Variants in ABHD18 observed in about 807,000 individuals in gnomAD.
ABHD18 encodes the protein abhydrolase domain containing 18.
ABHD18 carries 55 observed loss-of-function variants against 65.9 expected under a neutral mutation model. The ratio of observed to expected loss-of-function variants is 0.84; its 90% CI spans 0.67 to 1.05. The LOEUF (loss-of-function observed/expected upper bound fraction) is 1.05. ABHD18 is among the 50% of genes least tolerant of loss of function. ABHD18 has a pLI of 0.00. For synonymous variants in ABHD18, 181 were observed against 180.2 expected, an observed-to-expected ratio of 1.00 and a Z score of -0.04; for missense variants, 533 against 558.5, an observed-to-expected ratio of 0.95 and a Z score of 0.46.
chr4:128,020,184 A>G lies in ABHD18; in HGVS notation c.699+15A>G. 1 of 1,591,140 alleles carries G rather than the reference A, an allele frequency of 6.3e-7. No individual in the cohort carries two copies. Among genetic ancestry groups the G allele is most frequent in the Non-Finnish European group, 8.6e-7 (1 of 1,161,302 alleles). ...TCTTCACTACGGTAATTTAATTGTA[A>G]TTAATATTAGGTAGCTATATATAAT... On this transcript the variant is annotated intron_variant, in intron 9 of 12. Transcript: ENST00000645843.
chr4:128,012,237 A>G (rs1280291511), intron 7 of ABHD18, among the ~76,000 whole-genome samples: 2 of 152,206 alleles, frequency 1.3e-5, no homozygotes, highest in Non-Finnish European at 2.9e-5. Context: ...TTGGCCTCCC[A>G]AAGTGCTGGG....
intron 7 of ABHD18, among the ~76,000 whole-genome samples, chr4:128,012,404 T>A (rs1324083910): frequency 6.6e-6 from 1 of 152,220 alleles, no homozygotes; most frequent in Non-Finnish European, 1.5e-5. Flanking sequence ...CTCCAAGGCA[T>A]TTCCATAATC....
chr4:128,028,969 G>A, intron 11 of ABHD18, 116 bp downstream of exon 11: 4 of 795,222 alleles, frequency 5.0e-6, no homozygotes, highest in Non-Finnish European at 5.6e-6. Flanking sequence ...TTTTTTGTTG[G>A]CTCCAGAATA....
intron 3 of ABHD18, among the ~76,000 whole-genome samples, chr4:127,984,826 T>C (rs1234559006): frequency 1.3e-5 from 2 of 152,174 alleles, no homozygotes; most frequent in African/African-American, 2.4e-5. Context: ...CGCCTTTGCA[T>C]TCCAGCCTAG....
At chr4:127,994,734 A>T (rs1413935753) in intron 4 of ABHD18, among the ~76,000 whole-genome samples, 1 of 152,180 alleles carries the variant, frequency 6.6e-6, no homozygotes, top group Non-Finnish European at 1.5e-5. Flanking sequence ...CTTCTGGTAA[A>T]ATATTAATAT....
chr4:128,028,898 GTATT>G, intron 11 of ABHD18, 45 bp downstream of exon 11: 1 of 1,390,704 alleles, frequency 7.2e-7, no homozygotes, highest in East Asian at 2.4e-5. Flanking sequence ...TGATGTGTAA[GTATT>G]TGTGAAATAT....
chr4:128,011,952 A>T (rs1754654269), intron 7 of ABHD18, among the ~76,000 whole-genome samples: 1 of 152,040 alleles, frequency 6.6e-6, no homozygotes, highest in Non-Finnish European at 1.5e-5. Flanking sequence ...TTTAGTTGTG[A>T]AACTGTAAAT....
intron 1 of ABHD18, among the ~76,000 whole-genome samples, chr4:127,966,299 C>T (rs1296577025): frequency 6.6e-6 from 1 of 152,098 alleles, no homozygotes; most frequent in African/African-American, 2.4e-5. Context: ...TCACAAGTAT[C>T]CTATGAGATA....
chr4:128,030,813 C>T (rs534515612), intron 12 of ABHD18, 141 bp downstream of exon 12: 2 of 1,387,936 alleles, frequency 1.4e-6, no homozygotes, highest in South Asian at 3.6e-5. Flanking sequence ...ACAAATCTCA[C>T]AGAGTTACTT....
chr4:127,984,377 G>C lies in ABHD18; in HGVS notation c.131G>C (p.Arg44Thr). Residue 44 changes from arginine (R) to threonine (T), a missense_variant, in exon 3 of 13, where the codon AGA (arginine) becomes ACA (threonine). Coordinates refer to ENST00000645843, the MANE Select transcript of ABHD18 (RefSeq NM_001358451.3). ...EFRKMIGNRERCQNLVSSDYP... is the reference protein window; with the variant it reads ...EFRKMIGNRETCQNLVSSDYP... Reference sequence around the variant, plus strand: ...AGAAAGATGATTGGAAATCGGGAAAGATGCCAGAATCTGGTTTCAAGCGAT... The same window carrying C: ...AGAAAGATGATTGGAAATCGGGAAACATGCCAGAATCTGGTTTCAAGCGAT... The C allele has an allele frequency of 6.4e-7, 1 of 1,550,864 alleles. No homozygotes were observed. The highest frequency in any genetic ancestry group is 8.7e-7 in the Non-Finnish European group (1 of 1,145,890).
chr4:127,974,033 T>G (rs1331591734), intron 1 of ABHD18, among the ~76,000 whole-genome samples: 1 of 151,662 alleles, frequency 6.6e-6, no homozygotes, highest in Non-Finnish European at 1.5e-5. Flanking sequence ...TGGAAGATAA[T>G]CCTCAAGGAA....
intron 10 of ABHD18, 146 bp from the exon 11 acceptor site, chr4:128,028,329 C>A (rs770150252): frequency 4.9e-5 from 29 of 595,146 alleles, no homozygotes; most frequent in Non-Finnish European, 7.6e-5. Flanking sequence ...TTTAAGACTG[C>A]ATAATGTTTA....
intron 12 of ABHD18, among the ~76,000 whole-genome samples, chr4:128,032,694 A>G (rs1758379654): frequency 1.3e-5 from 2 of 152,046 alleles, no homozygotes; most frequent in Admixed American, 6.6e-5. Flanking sequence ...TCGCACCACT[A>G]CATTCCAGCC....
intron 4 of ABHD18, among the ~76,000 whole-genome samples, chr4:128,007,739 CAAA>C (rs57540305): frequency 1.8e-5 from 2 of 114,114 alleles, no homozygotes; most frequent in Non-Finnish European, 3.8e-5. Context: ...ACCCTGTCTC[CAAA>C]AAAAAAAAAA....
chr4:127,976,999 C>T (rs1482887979), intron 1 of ABHD18, among the ~76,000 whole-genome samples: 2 of 151,800 alleles, frequency 1.3e-5, no homozygotes, highest in Non-Finnish European at 2.9e-5. Flanking sequence ...CAAGATCGTG[C>T]TACTGCACTC....
intron 1 of ABHD18, among the ~76,000 whole-genome samples, chr4:127,979,027 C>A (rs1748489152): frequency 6.6e-6 from 1 of 152,140 alleles, no homozygotes; most frequent in African/African-American, 2.4e-5. Flanking sequence ...GTAAGTCAAA[C>A]TGTTTATTCA....
intron 4 of ABHD18, among the ~76,000 whole-genome samples, chr4:128,005,471 C>CA (rs535006951): frequency 1.3e-4 from 19 of 151,888 alleles, no homozygotes; most frequent in Non-Finnish European, 1.5e-4. Context: ...CTTTCTTTTT[C>CA]TTTTTTTAAG....
Position 128,039,122 on chromosome 4 carries a change from G to T in ABHD18, c.*3309G>T, listed in dbSNP as rs1411805333. 1 of 103,548 alleles carries T rather than the reference G, an allele frequency of 9.7e-6. No homozygotes were observed. The highest frequency in any genetic ancestry group is 2.0e-5 in the Non-Finnish European group (1 of 48,842). The allele number at this position is 103,548 out of a possible 1,614,324, so 6.4% of individuals were successfully genotyped here. A position where few individuals can be genotyped will look rare whatever the true frequency, so the allele number is the denominator to read the frequency against. ...TATATATGTATGTACGTATATATAT[G>T]TATTATATATACACACATATGCATA... On this transcript the variant is annotated 3_prime_UTR_variant, in exon 13 of 13. Transcript: ENST00000645843.
At position 128,035,904 on chromosome 4, in the gene ABHD18, C is replaced by T; in HGVS notation, c.*91C>T. 1.6e-6 allele frequency: 1 copy of T among 636,110 alleles called. No individual in the cohort carries two copies. The highest frequency in any genetic ancestry group is 2.6e-6 in the Non-Finnish European group (1 of 384,986). 39.4% of individuals were successfully genotyped at this position (636,110 alleles called of 1,614,324 possible). ...TCATGTGAAGGACAAGCAGACAGCACTAATATATCTAATCGCTATCAATTT... is the reference window on the plus strand; with the variant it reads ...TCATGTGAAGGACAAGCAGACAGCATTAATATATCTAATCGCTATCAATTT... On this transcript the variant is annotated 3_prime_UTR_variant, in exon 13 of 13. Coordinates refer to ENST00000645843, the MANE Select transcript of ABHD18 (RefSeq NM_001358451.3).
Sources: allele counts gnomAD v4.1 joint callset (sites outside exome capture counted in the v4.1 genomes callset), GRCh38; gene constraint gnomAD v4.1.1; transcripts MANE v1.5; gene names NCBI Gene and HGNC (gene_info 2026-07-23, HGNC 2026-07-21).